The following CPLX1 variants were observed in gnomAD, a reference collection of about 807,000 sequenced individuals.
CPLX1 encodes the protein complexin 1, also known as complexin-1.
A neutral mutation model predicts 15.6 loss-of-function variants in CPLX1; 6 were observed. The ratio of observed to expected loss-of-function variants is 0.39; its 90% CI spans 0.21 to 0.76. CPLX1 has a LOEUF of 0.76. Ranked by LOEUF, CPLX1 falls within the 30% of genes least tolerant of loss-of-function variation. The pLI is 0.43. For synonymous variants in CPLX1, 91 were observed against 75.2 expected (o/e 1.21, Z -1.08); for missense variants, 242 against 188.6 (o/e 1.28, Z -1.66).
At position 786,470 on chromosome 4, in the gene CPLX1, GGGCTCCGCGGGGCCGCTGTCCCGCGCGC is replaced by G. The variant is rs1469871456; in HGVS notation, c.*3_*30del. 6.6e-7 allele frequency: 1 copy of G among 1,521,930 alleles called. No individual in the cohort carries two copies. Among genetic ancestry groups the G allele is most frequent in the Non-Finnish European group, 8.8e-7 (1 of 1,130,616 alleles). 94.3% of individuals were successfully genotyped at this position (1,521,930 alleles called of 1,614,324 possible). ...GGAGGATCTGTAGGGGGAGGGGCGG[GGGCTCCGCGGGGCCGCTGTCCCGCGCGC>G]GGCTACTTCTTGAGCATGTCCTGCA... is the stretch of plus-strand genomic sequence containing the variant. On this transcript the variant is annotated 3_prime_UTR_variant, in exon 4 of 4. Coordinates refer to ENST00000304062, the MANE Select transcript of CPLX1 (RefSeq NM_006651.4).
chr4:785,545 G>A lies in CPLX1; in HGVS notation c.*956C>T, dbSNP rs1274093809. ...ATGCAAATTAAACATGAATGGAGGA[G>A]AAACAGGGGCTCGGATGCCGCCCCG... is the stretch of plus-strand genomic sequence containing the variant. On this transcript the variant is annotated 3_prime_UTR_variant, in exon 4 of 4. Transcript: ENST00000304062. The A allele has an allele frequency of 6.6e-6, 1 of 152,500 alleles. No homozygotes were observed. Among genetic ancestry groups the A allele is most frequent in the African/African-American group, 2.4e-5 (1 of 41,452 alleles). The allele number at this position is 152,500 out of a possible 1,614,324, so 9.4% of individuals were successfully genotyped here. A position where few individuals can be genotyped will look rare whatever the true frequency, so the allele number is the denominator to read the frequency against.
At chr4:796,725 G>A (rs947401615) in intron 2 of CPLX1, among the ~76,000 whole-genome samples, 27 of 152,308 alleles carry the variant, frequency 1.8e-4, no homozygotes, top group African/African-American at 6.3e-4. Context: ...AACTCCACAC[G>A]TAAAGACGTC....
chr4:808,776 C>T (rs757247764), intron 2 of CPLX1, among the ~76,000 whole-genome samples: 9 of 152,222 alleles, frequency 5.9e-5, no homozygotes, highest in Non-Finnish European at 1.3e-4. Context: ...CACTTAAAAA[C>T]TTGAATGAAA....
chr4:787,520 T>A, intron 3 of CPLX1: 2 of 638,998 alleles, frequency 3.1e-6, no homozygotes, highest in Non-Finnish European at 3.9e-6. Context: ...TCAAGTCCAG[T>A]GAGAGTGTCC....
intron 2 of CPLX1, among the ~76,000 whole-genome samples, chr4:813,530 C>G (rs750474820): frequency 1.3e-5 from 2 of 152,104 alleles, no homozygotes; most frequent in Non-Finnish European, 2.9e-5. Flanking sequence ...ACTGGGCCCA[C>G]CACCCACGTG....
chr4:802,156 T>C (rs1560241720), intron 2 of CPLX1, among the ~76,000 whole-genome samples: 1 of 152,212 alleles, frequency 6.6e-6, no homozygotes, highest in Non-Finnish European at 1.5e-5. Context: ...GCAACTCAAA[T>C]GTCCATCAAC....
At chr4:803,139 AAGAC>A (rs1560242011) in intron 2 of CPLX1, among the ~76,000 whole-genome samples, 2 of 152,234 alleles carry the variant, frequency 1.3e-5, no homozygotes, top group Non-Finnish European at 2.9e-5. Flanking sequence ...AATCCCAAAT[AAGAC>A]AGGAAGAGAT....
chr4:790,041 C>A (rs1746123246), intron 3 of CPLX1, among the ~76,000 whole-genome samples: 1 of 76,520 alleles, frequency 1.3e-5, no homozygotes, highest in Non-Finnish European at 2.5e-5. Flanking sequence ...TCCCCCACCC[C>A]CCAAAGGCCA....
intron 2 of CPLX1, chr4:804,967 C>T: frequency 3.0e-6 from 3 of 984,048 alleles, no homozygotes; most frequent in Non-Finnish European, 3.6e-6. Context: ...CACTCCTGCG[C>T]GGCGGCCGGC....
At chr4:822,929 C>A (rs922209559) in intron 2 of CPLX1, among the ~76,000 whole-genome samples, 2 of 152,230 alleles carry the variant, frequency 1.3e-5, no homozygotes, top group African/African-American at 4.8e-5. Flanking sequence ...GCGTGGAGCC[C>A]CCCCAGGGTC....
chr4:793,871 C>T (rs1746258055), intron 2 of CPLX1, among the ~76,000 whole-genome samples: 3 of 152,216 alleles, frequency 2.0e-5, no homozygotes, highest in Admixed American at 6.5e-5. Context: ...GCCCATGCCT[C>T]GGGTAGAGAT....
chr4:788,489 C>T lies in CPLX1; in HGVS notation c.208-1791G>A, dbSNP rs538505633. On this transcript the variant is annotated intron_variant, in intron 3 of 3. Coordinates refer to ENST00000304062, the MANE Select transcript of CPLX1 (RefSeq NM_006651.4). ...AGCCCCTGCGCACTCTTGACAGAGC[C>T]GGGACTCCAGGGGTCTCCTCAGTGA... 4.2e-5 allele frequency: 41 copies of T among 985,336 alleles called. 1 individual carries two copies. In the South Asian group the frequency reaches 7.0e-4, roughly 17 times the overall value. 61.0% of individuals were successfully genotyped at this position (985,336 alleles called of 1,614,324 possible). A position where few individuals can be genotyped will look rare whatever the true frequency, so the allele number is the denominator to read the frequency against.
chr4:789,749 T>C (rs953634499), intron 3 of CPLX1, among the ~76,000 whole-genome samples: 16 of 152,310 alleles, frequency 1.1e-4, no homozygotes, highest in Admixed American at 1.0e-3. Context: ...CCTAGGGGGC[T>C]GGACACTCCA....
chr4:814,855 G>A (rs1746721980), intron 2 of CPLX1, among the ~76,000 whole-genome samples: 2 of 152,296 alleles, frequency 1.3e-5, no homozygotes, highest in Middle Eastern at 3.4e-3. Context: ...GGTAACTAGC[G>A]TTCAAGCCGT....
chr4:790,140 CTG>C (rs980201331), intron 3 of CPLX1, among the ~76,000 whole-genome samples: 3 of 152,202 alleles, frequency 2.0e-5, no homozygotes, highest in African/African-American at 4.8e-5. Context: ...GAGGAGGACT[CTG>C]TGGGGAAGGT....
intron 3 of CPLX1, among the ~76,000 whole-genome samples, chr4:789,495 C>T (rs1023039790): frequency 1.3e-5 from 2 of 152,246 alleles, no homozygotes; most frequent in African/African-American, 4.8e-5. Context: ...CTCCTAGCCG[C>T]TGTGGGAGCT....
At chr4:801,290 C>T (rs1354547939) in intron 2 of CPLX1, among the ~76,000 whole-genome samples, 1 of 151,950 alleles carries the variant, frequency 6.6e-6, no homozygotes, top group African/African-American at 2.4e-5. Flanking sequence ...CCACTGCACT[C>T]CAGTCTGGGT....
At chr4:791,756 C>T (rs534160601) in intron 3 of CPLX1, among the ~76,000 whole-genome samples, 2 of 152,284 alleles carry the variant, frequency 1.3e-5, no homozygotes, top group Admixed American at 6.5e-5. Context: ...GTGAGCACTG[C>T]GCCCCAGGCA....
chr4:808,239 C>A (rs548468080), intron 2 of CPLX1, among the ~76,000 whole-genome samples: 72 of 150,362 alleles, frequency 4.8e-4, no homozygotes, highest in Admixed American at 9.9e-4. Flanking sequence ...TCAATAAATA[C>A]ATAAATAAAT....
Sources: gnomAD v4.1 joint callset for allele counts (sites outside exome capture counted in the v4.1 genomes callset) on GRCh38, gnomAD v4.1.1 for gene constraint, MANE v1.5 for transcripts, NCBI Gene and HGNC (gene_info 2026-07-23, HGNC 2026-07-21) for gene names.